PTPRN2: variants seen among roughly 807,000 people sequenced by gnomAD.
The protein encoded by PTPRN2 is receptor-type tyrosine-protein phosphatase N2.
In PTPRN2, 74 loss-of-function variants were observed where a neutral mutation model predicts 118.8. The ratio of observed to expected loss-of-function variants is 0.62; its 90% CI spans 0.52 to 0.76. The LOEUF (loss-of-function observed/expected upper bound fraction) is 0.76, where lower values mean the gene tolerates loss of function less well. PTPRN2 is among the 30% of genes least tolerant of loss of function. The probability of loss-of-function intolerance (pLI) is 0.00; values close to 1 mark genes in which losing one functional copy is unlikely to be tolerated. For missense variants in PTPRN2, 1,481 were observed against 1,394.4 expected (o/e 1.06, Z -0.99); for synonymous variants, 641 against 608.0 (o/e 1.05, Z -0.80).
chr7:157,699,143 G>A (rs1797947874), intron 12 of PTPRN2, among the ~76,000 whole-genome samples: 1 of 152,152 alleles, frequency 6.6e-6, no homozygotes, highest in Non-Finnish European at 1.5e-5. Flanking sequence ...AATAATTCAG[G>A]TAATTCAGGT....
At chr7:158,313,948 G>T (rs1802082249) in intron 3 of PTPRN2, among the ~76,000 whole-genome samples, 2 of 152,122 alleles carry the variant, frequency 1.3e-5, no homozygotes, top group African/African-American at 4.8e-5. Context: ...TTTCTAGTTT[G>T]TCAGGCTGAG....
chr7:157,551,394 G>A (rs1798589269), intron 21 of PTPRN2, among the ~76,000 whole-genome samples: 4 of 151,992 alleles, frequency 2.6e-5, no homozygotes, highest in Non-Finnish European at 5.9e-5. Flanking sequence ...AGCATCTCAA[G>A]TTGGTATAGA....
rs56040599 is a variant in PTPRN2, at chr7:158,469,735, CAAAAAAAAAA to C, written c.163+19990_163+19999del. On this transcript the variant is annotated intron_variant, in intron 2 of 22. Transcript: ENST00000389418. ...CAGCAAGTGAGAGAGAAAACCTGGC[CAAAAAAAAAA>C]AAAAAAAAATGCAAAGAATTGGGAG... Among the ~76,000 whole-genome samples the C allele has an allele frequency of 5.9e-5, 4 of 67,524 alleles. 1 individual carries two copies. The highest frequency in any genetic ancestry group is 1.9e-4 in the African/African-American group (4 of 21,022). The allele number at this position is 67,524 out of a possible 152,430, so 44.3% of individuals were successfully genotyped here.
At chr7:158,542,801 G>A (rs1249836747) in intron 1 of PTPRN2, among the ~76,000 whole-genome samples, 1 of 152,190 alleles carries the variant, frequency 6.6e-6, no homozygotes, top group East Asian at 1.9e-4. Flanking sequence ...TGCAGAGGAG[G>A]ATTCCTTTCC....
At chr7:157,589,052 G>A (rs1443320302) in intron 17 of PTPRN2, among the ~76,000 whole-genome samples, 4 of 152,280 alleles carry the variant, frequency 2.6e-5, no homozygotes, top group South Asian at 2.1e-4. Flanking sequence ...CCGTCACCAC[G>A]CTCTTCAGAG....
chr7:158,263,447 C>T (rs1167121974), intron 3 of PTPRN2, among the ~76,000 whole-genome samples: 1 of 152,260 alleles, frequency 6.6e-6, no homozygotes, highest in Non-Finnish European at 1.5e-5. Flanking sequence ...GGCACACACA[C>T]ACAGCCATCT....
At chr7:157,549,916 G>C (rs1408198041) in intron 21 of PTPRN2, among the ~76,000 whole-genome samples, 1 of 152,186 alleles carries the variant, frequency 6.6e-6, no homozygotes, top group Non-Finnish European at 1.5e-5. Flanking sequence ...ACCGAACACG[G>C]TGAACTGAGA....
intron 11 of PTPRN2, among the ~76,000 whole-genome samples, chr7:157,934,857 C>A (rs1466806577): frequency 6.6e-6 from 1 of 152,200 alleles, no homozygotes; most frequent in East Asian, 1.9e-4. Context: ...ATGGCAGATT[C>A]TCTCGGGATG....
At chr7:158,403,672 G>T (rs73729797) in intron 2 of PTPRN2, among the ~76,000 whole-genome samples, 1 of 152,160 alleles carries the variant, frequency 6.6e-6, no homozygotes, top group African/African-American at 2.4e-5. Flanking sequence ...TGCGGCAGCC[G>T]GGACTGCGAG....
chr7:158,276,796 A>G (rs1799036021), intron 3 of PTPRN2, among the ~76,000 whole-genome samples: 1 of 152,208 alleles, frequency 6.6e-6, no homozygotes, highest in South Asian at 2.1e-4. Context: ...GGGGACGCTC[A>G]GCTGGCAGGA....
chr7:158,190,470 C>T (rs952801154), intron 5 of PTPRN2, among the ~76,000 whole-genome samples: 1 of 152,222 alleles, frequency 6.6e-6, no homozygotes, highest in Non-Finnish European at 1.5e-5. Context: ...TCCTGGAAGG[C>T]TTTGGGGCAT....
At position 157,674,527 on chromosome 7, in the gene PTPRN2, G is replaced by A. The variant is rs1411918391; in HGVS notation, c.2001+8198C>T. ...TCCTCATCCCACCACCCCGCGCAGC[G>A]TCTTGCCTCCTTTTATGCCGGTGTA... On this transcript the variant is annotated intron_variant, in intron 13 of 22. Transcript: ENST00000389418. This position sits in a 1 kb window ranked among gnomAD's most constrained non-coding sequence, Gnocchi z 4.5. Among the ~76,000 whole-genome samples the A allele has an allele frequency of 6.6e-6, 1 of 152,042 alleles. No homozygotes were observed. Among genetic ancestry groups the A allele is most frequent in the South Asian group, 2.1e-4 (1 of 4,814 alleles).
chr7:158,182,622 C>T (rs919296850), intron 5 of PTPRN2, among the ~76,000 whole-genome samples: 2 of 152,192 alleles, frequency 1.3e-5, no homozygotes, highest in African/African-American at 4.8e-5. Context: ...TGGCTTCTAG[C>T]TTCATCCATG....
At chr7:158,025,893 G>A (rs138235588) in intron 11 of PTPRN2, among the ~76,000 whole-genome samples, 249 of 152,330 alleles carry the variant, frequency 1.6e-3, no homozygotes, top group African/African-American at 5.7e-3. Flanking sequence ...TTCCGTTTAC[G>A]TTCTATTGTC....
intron 6 of PTPRN2, among the ~76,000 whole-genome samples, chr7:158,146,652 C>G (rs148409931): frequency 1.4e-5 from 2 of 146,050 alleles, no homozygotes; most frequent in African/African-American, 2.6e-5. Context: ...ACCCAGGAGG[C>G]GGAGCTAGTA....
intron 5 of PTPRN2, among the ~76,000 whole-genome samples, chr7:158,175,350 G>A (rs1585743926): frequency 1.3e-5 from 2 of 152,146 alleles, no homozygotes; most frequent in Admixed American, 1.3e-4. Context: ...CTGCAGCTCC[G>A]GCTCCGGCTC....
In PTPRN2 at chr7:157,904,636, G is replaced by A. The variant is rs377675590; in HGVS notation, c.1724-5899C>T. 1.8e-4 allele frequency among the ~76,000 whole-genome samples: 27 copies of A among 152,352 alleles called. No individual in the cohort carries two copies. In the East Asian group the frequency reaches 4.6e-3, roughly 26 times the overall value. On this transcript the variant is annotated intron_variant, in intron 11 of 22. Coordinates refer to ENST00000389418, the MANE Select transcript of PTPRN2 (RefSeq NM_002847.5). ...GGGGGCGTCTACGCGTTCCCTTGGC[G>A]CTGTGGAACGAGCCAGTGTCTGTGG... is the stretch of plus-strand genomic sequence containing the variant.
intron 11 of PTPRN2, among the ~76,000 whole-genome samples, chr7:158,008,080 T>G (rs1276549242): frequency 2.1e-5 from 3 of 142,286 alleles, no homozygotes; most frequent in Admixed American, 1.4e-4. Flanking sequence ...GTGCTGTGTG[T>G]GGGTGTGGGT....
At chr7:158,568,063 G>A (rs1219227213) in intron 1 of PTPRN2, among the ~76,000 whole-genome samples, 1 of 152,122 alleles carries the variant, frequency 6.6e-6, no homozygotes, top group Non-Finnish European at 1.5e-5. Flanking sequence ...GACCAGCCTG[G>A]CCAACATGGT....
Sources: allele counts gnomAD v4.1 joint callset (sites outside exome capture counted in the v4.1 genomes callset), GRCh38; gene constraint gnomAD v4.1.1; non-coding constraint Gnocchi (gnomAD v3.1); transcripts MANE v1.5; gene names NCBI Gene and HGNC (gene_info 2026-07-23, HGNC 2026-07-21).